Variants in NUP58 observed in about 807,000 individuals in gnomAD.
NUP58 encodes the protein nucleoporin 58, also known as nucleoporin p58/p45.
Under a neutral mutation model 70.1 loss-of-function variants are expected in NUP58, and 17 were observed. The ratio of observed to expected loss-of-function variants is 0.24; its 90% CI spans 0.17 to 0.36. The LOEUF is 0.36. Among genes scored for constraint, NUP58 ranks in the 10% least tolerant of loss-of-function variants. The pLI is 1.00. For missense variants in NUP58, 644 were observed against 701.5 expected, an observed-to-expected ratio of 0.92 and a Z score of 0.93; for synonymous variants, 275 against 257.6, an observed-to-expected ratio of 1.07 and a Z score of -0.65.
intron 9 of NUP58, 67 bp from the exon 10 acceptor site, chr13:25,324,922 G>A (rs957419515): frequency 6.9e-6 from 7 of 1,016,646 alleles, no homozygotes; most frequent in South Asian, 2.8e-5. Context: ...ATTTTTTTTC[G>A]TACGGTATTT....
intron 10 of NUP58, among the ~76,000 whole-genome samples, chr13:25,326,454 T>A (rs183629549): frequency 1.8e-4 from 28 of 152,282 alleles, no homozygotes; most frequent in Non-Finnish European, 2.6e-4. Flanking sequence ...ATTTCATTGA[T>A]AAAATGACTA....
In NUP58 at chr13:25,340,140, GGT is replaced by G; in HGVS notation, c.*7_*8del. On this transcript the variant is annotated 3_prime_UTR_variant, in exon 16 of 16. Coordinates refer to ENST00000381736, the MANE Select transcript of NUP58 (RefSeq NM_014089.4). The stretch of plus-strand genomic sequence containing the variant: ...ACAAAAGAGGAAAAAGATAAACATG[GGT>G]TGATGTGTTGAGAGAATCCATAGCA... The G allele has an allele frequency of 1.2e-6, 2 of 1,607,056 alleles. No homozygotes were observed. Among genetic ancestry groups the G allele is most frequent in the Non-Finnish European group, 1.7e-6 (2 of 1,177,052 alleles).
chr13:25,318,032 T>C (rs541293242), intron 6 of NUP58, among the ~76,000 whole-genome samples: 104 of 152,042 alleles, frequency 6.8e-4, no homozygotes, highest in African/African-American at 2.4e-3. Context: ...CCTAGCTAAT[T>C]TTTAAAAAAT....
At chr13:25,343,658 T>A (rs1042243576), downstream of NUP58, among the ~76,000 whole-genome samples, 6 of 151,724 alleles carry the variant, frequency 4.0e-5, no homozygotes, top group African/African-American at 1.5e-4. Context: ...TATTTTACCA[T>A]GTTGGCCAGC....
chr13:25,316,843 A>G (rs2030953691), intron 6 of NUP58, among the ~76,000 whole-genome samples: 1 of 152,180 alleles, frequency 6.6e-6, no homozygotes, highest in Non-Finnish European at 1.5e-5. Flanking sequence ...TTCATAGTGT[A>G]CCTAAGATAG....
chr13:25,325,173 T>A, intron 10 of NUP58, 105 bp downstream of exon 10: 1 of 790,390 alleles, frequency 1.3e-6, no homozygotes, highest in East Asian at 2.7e-5. Context: ...GTGGAAAGGC[T>A]GAGCCAATAA....
intron 12 of NUP58, among the ~76,000 whole-genome samples, chr13:25,327,967 G>T (rs964727048): frequency 6.6e-6 from 1 of 152,088 alleles, no homozygotes. Flanking sequence ...TTGGGAGGCC[G>T]AGGCGGGCGA....
chr13:25,340,409 A>T lies in NUP58; in HGVS notation c.*275A>T, dbSNP rs2031919755. On this transcript the variant is annotated 3_prime_UTR_variant, in exon 16 of 16. Coordinates refer to ENST00000381736, the MANE Select transcript of NUP58 (RefSeq NM_014089.4). Reference sequence around the variant, plus strand: ...GATTGGTAATGGTTAGAAACCATTAACCTAAAACTTACTATTTAACCTAGT... The same window carrying T: ...GATTGGTAATGGTTAGAAACCATTATCCTAAAACTTACTATTTAACCTAGT... The T allele has an allele frequency of 3.7e-6, 1 of 266,888 alleles. No individual in the cohort carries two copies. The highest frequency in any genetic ancestry group is 6.9e-6 in the Non-Finnish European group (1 of 144,284). The allele number at this position is 266,888 out of a possible 1,614,324, so 16.5% of individuals were successfully genotyped here.
intron 4 of NUP58, 25 bp downstream of exon 4, chr13:25,313,057 C>A (rs370546662): frequency 3.1e-6 from 5 of 1,603,568 alleles, no homozygotes; most frequent in African/African-American, 1.3e-5. Context: ...AAAACCGTTG[C>A]ATTTAATGGT....
At chr13:25,322,967 G>A (rs1350749024) in intron 9 of NUP58, among the ~76,000 whole-genome samples, 8 of 152,090 alleles carry the variant, frequency 5.3e-5, no homozygotes, top group Non-Finnish European at 1.2e-4. Context: ...GCAAAATAAT[G>A]GAGGAGGCAA....
chr13:25,343,460 T>G (rs2032003938), downstream of NUP58, among the ~76,000 whole-genome samples: 1 of 150,068 alleles, frequency 6.7e-6, no homozygotes, highest in African/African-American at 2.5e-5. Context: ...TGCCATTAAT[T>G]CATTCCTTTT....
intron 6 of NUP58, among the ~76,000 whole-genome samples, chr13:25,316,106 AG>A: frequency 1.3e-5 from 2 of 152,296 alleles, no homozygotes; most frequent in South Asian, 4.1e-4. Flanking sequence ...ATTGGCTTAA[AG>A]AGAGGGATAT....
At position 25,324,972 on chromosome 13, in the gene NUP58, A is replaced by G; in HGVS notation, c.952-17A>G. The stretch of plus-strand genomic sequence containing the variant: ...AACTGGCTTTTTTTTTTTTTTTTAA[A>G]TCCTCTGGTATATTAGGAGTTGAAG... On this transcript the variant is annotated splice_polypyrimidine_tract_variant and intron_variant, in intron 9 of 15. Transcript: ENST00000381736. 6.8e-7 allele frequency: 1 copy of G among 1,476,608 alleles called. No homozygotes were observed. Among genetic ancestry groups the G allele is most frequent in the Non-Finnish European group, 9.1e-7 (1 of 1,094,940 alleles). The allele number at this position is 1,476,608 out of a possible 1,614,324, so 91.5% of individuals were successfully genotyped here. A position where few individuals can be genotyped will look rare whatever the true frequency, so the allele number is the denominator to read the frequency against.
chr13:25,340,259 T>C lies in NUP58; in HGVS notation c.*125T>C. The C allele has an allele frequency of 1.0e-6, 1 of 956,106 alleles. No homozygotes were observed. Among genetic ancestry groups the C allele is most frequent in the Non-Finnish European group, 1.4e-6 (1 of 693,254 alleles). 59.2% of individuals were successfully genotyped at this position (956,106 alleles called of 1,614,324 possible). On this transcript the variant is annotated 3_prime_UTR_variant, in exon 16 of 16. Coordinates refer to ENST00000381736, the MANE Select transcript of NUP58 (RefSeq NM_014089.4). ...ATAAAGTTTTGATATTTTTCCCTACTCTGGAATTTGAACTTTCTTCATGTT... is the reference window on the plus strand; with the variant it reads ...ATAAAGTTTTGATATTTTTCCCTACCCTGGAATTTGAACTTTCTTCATGTT...
intron 13 of NUP58, 71 bp from the exon 14 acceptor site, chr13:25,336,865 A>G (rs2031802795): frequency 5.6e-6 from 5 of 899,786 alleles, no homozygotes; most frequent in Middle Eastern, 2.4e-4. Context: ...TTCATAAAGA[A>G]TCTTTAATCT....
At chr13:25,305,147 T>TG (rs369092607) in intron 1 of NUP58, among the ~76,000 whole-genome samples, 33 of 125,812 alleles carry the variant, frequency 2.6e-4, no homozygotes, top group South Asian at 5.0e-4. Context: ...TTTTTTTTTT[T>TG]TTTTTTTTTT....
chr13:25,335,760 CA>C (rs1298298037), intron 13 of NUP58: 1 of 983,556 alleles, frequency 1.0e-6, no homozygotes. Context: ...ATACAAACCT[CA>C]TTCTTCATTG....
rs182108170 is a variant in NUP58 at position 25,324,982 on chromosome 13, A to G, written c.952-7A>G. On this transcript the variant is annotated splice_polypyrimidine_tract_variant and splice_region_variant and intron_variant, in intron 9 of 15. Coordinates refer to ENST00000381736, the MANE Select transcript of NUP58 (RefSeq NM_014089.4). Reference sequence around the variant, plus strand: ...TTTTTTTTTTTTTAAATCCTCTGGTATATTAGGAGTTGAAGAATGCTGAAA... The same window carrying G: ...TTTTTTTTTTTTTAAATCCTCTGGTGTATTAGGAGTTGAAGAATGCTGAAA... 1.0e-4 allele frequency: 153 copies of G among 1,463,682 alleles called. No homozygotes were observed. In the East Asian group the frequency reaches 3.3e-3, roughly 31 times the overall value. 90.7% of individuals were successfully genotyped at this position (1,463,682 alleles called of 1,614,324 possible). A position where few individuals can be genotyped will look rare whatever the true frequency, so the allele number is the denominator to read the frequency against.
At chr13:25,343,830 C>CATATATATATATATATATATATACACAT (rs753908293), downstream of NUP58, among the ~76,000 whole-genome samples, 1 of 135,382 alleles carries the variant, frequency 7.4e-6, no homozygotes, top group Non-Finnish European at 1.7e-5. Flanking sequence ...TATATATACA[C>CATATATATATATATATATATATACACAT]ATATATATAT....
Sources: gnomAD v4.1 joint callset for allele counts (sites outside exome capture counted in the v4.1 genomes callset) on GRCh38, gnomAD v4.1.1 for gene constraint, MANE v1.5 for transcripts, NCBI Gene and HGNC (gene_info 2026-07-23, HGNC 2026-07-21) for gene names.